ANKS6: variants seen among roughly 807,000 people sequenced by gnomAD.
ANKS6 encodes ankyrin repeat and sterile alpha motif domain containing 6, also known as ankyrin repeat and SAM domain-containing protein 6.
ANKS6 carries 47 observed loss-of-function variants against 77.9 expected under a neutral mutation model. The observed-to-expected ratio is 0.60, with a 90% CI of 0.48 to 0.77. ANKS6 has a LOEUF of 0.77. Ranked by LOEUF, ANKS6 falls within the 30% of genes least tolerant of loss-of-function variation. The probability of loss-of-function intolerance (pLI) is 0.00; values close to 1 mark genes in which losing one functional copy is unlikely to be tolerated. For missense variants in ANKS6, 1,150 were observed against 1,159.1 expected (o/e 0.99, Z 0.11); for synonymous variants, 488 against 501.7 (o/e 0.97, Z 0.37).
At position 98,778,135 on chromosome 9, in the gene ANKS6, C is replaced by T; in HGVS notation, c.1567+91G>A. ...TGTCCCATTCCAACATCATCTTACC[C>T]CTGACAGCAACCCAGGAGGTAGGAT... On this transcript the variant is annotated intron_variant, in intron 7 of 14. Coordinates refer to ENST00000353234, the MANE Select transcript of ANKS6 (RefSeq NM_173551.5). The T allele has an allele frequency of 4.1e-6, 6 of 1,445,808 alleles. No individual in the cohort carries two copies. In the East Asian group the frequency reaches 1.2e-4, roughly 28 times the overall value. 89.6% of individuals were successfully genotyped at this position (1,445,808 alleles called of 1,614,324 possible). A position where few individuals can be genotyped will look rare whatever the true frequency, so the allele number is the denominator to read the frequency against.
chr9:98,778,522 T>C (rs1834047836), intron 6 of ANKS6, 98 bp from the exon 7 acceptor site: 1 of 1,148,014 alleles, frequency 8.7e-7, no homozygotes, highest in Non-Finnish European at 1.3e-6. Context: ...CATTCACATG[T>C]GCCTGCCCTC....
At chr9:98,771,577 C>T (rs1221736998) in intron 9 of ANKS6, among the ~76,000 whole-genome samples, 3 of 152,232 alleles carry the variant, frequency 2.0e-5, no homozygotes, top group African/African-American at 7.2e-5. Flanking sequence ...CCTGACCTCA[C>T]TCCACCCTCT....
In ANKS6 at chr9:98,796,226, C is replaced by G; in HGVS notation, c.266G>C (p.Gly89Ala). 1 of 1,404,668 alleles carries G rather than the reference C, an allele frequency of 7.1e-7. No homozygotes were observed. The highest frequency in any genetic ancestry group is 9.3e-7 in the Non-Finnish European group (1 of 1,077,386). 87.0% of individuals were successfully genotyped at this position (1,404,668 alleles called of 1,614,324 possible). Residue 89 changes from glycine (G) to alanine (A), a missense_variant, in exon 1 of 15, where the codon GGC (glycine) becomes GCC (alanine). Coordinates refer to ENST00000353234, the MANE Select transcript of ANKS6 (RefSeq NM_173551.5). ...NTALQFAAAG[G>A]HEPLVRFLLR... ...CAGGAAGCGCACCAGCGGTTCGTGG[C>G]CCCCGGCCGCGGCGAACTGCAGTGC...
intron 13 of ANKS6, among the ~76,000 whole-genome samples, chr9:98,748,298 G>C (rs1361614905): frequency 6.6e-6 from 1 of 152,214 alleles, no homozygotes; most frequent in Non-Finnish European, 1.5e-5. Context: ...ATTCTAGGTG[G>C]AGAGCACCAG....
chr9:98,796,393 C>T lies in ANKS6; in HGVS notation c.99G>A (p.Ala33=), dbSNP rs1835178810. 1.0e-6 allele frequency: 1 copy of T among 1,001,762 alleles called. No homozygotes were observed. Among genetic ancestry groups the T allele is most frequent in the South Asian group, 4.5e-5 (1 of 22,344 alleles). 62.1% of individuals were successfully genotyped at this position (1,001,762 alleles called of 1,614,324 possible). The change falls in exon 1 of 15, where the codon GCG becomes GCA. Residue 33 remains alanine, a synonymous_variant. Coordinates refer to ENST00000353234, the MANE Select transcript of ANKS6 (RefSeq NM_173551.5). ...CCGCGCCGCGCTCGGCTGGCTCCGC[C>T]GCCCCCGGCTCCAGCAGCCGCCGCG... ...ETARRLLEPG[A]AEPAERGAEP... is the part of the protein sequence containing the mutation.
rs1458153822 is a variant in ANKS6, at chr9:98,791,616, CA to C, written c.360-1011del. 2.6e-5 allele frequency among the ~76,000 whole-genome samples: 4 copies of C among 152,160 alleles called. No homozygotes were observed. The highest frequency in any genetic ancestry group is 5.9e-5 in the Non-Finnish European group (4 of 68,028). ...CCCTGGACTAACAAGAAAACAATGA[CA>C]AGACAGGGGCTGTCTACTCCAGGTT... On this transcript the variant is annotated intron_variant, in intron 1 of 14. Transcript: ENST00000353234. This position sits in a 1 kb window ranked among gnomAD's most constrained non-coding sequence, Gnocchi z 4.3.
chr9:98,739,758 A>ATTTTT lies in ANKS6; in HGVS notation c.2512-3140_2512-3136dup, dbSNP rs749499336. Among the ~76,000 whole-genome samples, 8 of 88,866 alleles carry ATTTTT rather than the reference A, an allele frequency of 9.0e-5. 1 individual carries two copies. The highest frequency in any genetic ancestry group is 3.6e-4 in the African/African-American group (7 of 19,388). The allele number at this position is 88,866 out of a possible 152,430, so 58.3% of individuals were successfully genotyped here. On this transcript the variant is annotated intron_variant, in intron 14 of 14. Transcript: ENST00000353234. ...CTCAGAGGGCAGCAGTGGATTAAAC[A>ATTTTT]TTTTTTTTTTTTTTTTGAGACGGAG...
chr9:98,779,652 T>C (rs534723692), intron 6 of ANKS6, among the ~76,000 whole-genome samples: 1 of 152,108 alleles, frequency 6.6e-6, no homozygotes, highest in East Asian at 1.9e-4. Context: ...AACCACAGCC[T>C]ACCAGGCTCA....
Position 98,736,441 on chromosome 9 carries a change from G to A in ANKS6, c.*78C>T, listed in dbSNP as rs984693832. 14 of 1,493,424 alleles carry A rather than the reference G, an allele frequency of 9.4e-6. No homozygotes were observed. The African/African-American group carries it at 2.0e-4, about 21-fold the overall frequency. 92.5% of individuals were successfully genotyped at this position (1,493,424 alleles called of 1,614,324 possible). On this transcript the variant is annotated 3_prime_UTR_variant, in exon 15 of 15. Transcript: ENST00000353234. ...TGACTAAGGCACAGCAGTGTGACGG[G>A]GGCAGGGCTGGGGCTGTGGCCACGT...
chr9:98,789,946 T>C (rs138554869), intron 2 of ANKS6, 158 bp downstream of exon 2: 2 of 1,120,948 alleles, frequency 1.8e-6, no homozygotes, highest in Non-Finnish European at 2.4e-6. Flanking sequence ...TCACAGGCAA[T>C]CCCCCCGATA....
chr9:98,790,017 G>C (rs544663589), intron 2 of ANKS6, 87 bp downstream of exon 2: 4 of 1,481,718 alleles, frequency 2.7e-6, no homozygotes, highest in East Asian at 4.6e-5. Context: ...AGTTCTGCGT[G>C]TCCTTCCAGT....
At chr9:98,783,526 G>C (rs879248137) in intron 4 of ANKS6, 1 of 153,914 alleles carries the variant, frequency 6.5e-6, no homozygotes, top group Non-Finnish European at 1.4e-5. Flanking sequence ...AAAAGGAGAG[G>C]GGTAGGACAC....
chr9:98,761,259 G>A (rs1417031821), intron 11 of ANKS6, among the ~76,000 whole-genome samples: 3 of 151,866 alleles, frequency 2.0e-5, no homozygotes, highest in Non-Finnish European at 4.4e-5. Context: ...TCTTTATTTA[G>A]TCTGGAAAAA....
In ANKS6 at chr9:98,791,768, T is replaced by C. The variant is rs1263623869; in HGVS notation, c.360-1162A>G. ...TCTAAACCCAAGACCTCCCTCCTCC[T>C]GGCGGCTGGCGGCCAGGCCAGGGCT... On this transcript the variant is annotated intron_variant, in intron 1 of 14. Transcript: ENST00000353234. The surrounding 1 kb of genome is among the most constrained non-coding windows in gnomAD (Gnocchi z 4.3). 6.6e-6 allele frequency among the ~76,000 whole-genome samples: 1 copy of C among 152,118 alleles called. No homozygotes were observed. The highest frequency in any genetic ancestry group is 6.5e-5 in the Admixed American group (1 of 15,280).
intron 11 of ANKS6, among the ~76,000 whole-genome samples, chr9:98,763,359 T>C (rs1157558611): frequency 2.0e-5 from 3 of 151,734 alleles, no homozygotes; most frequent in Admixed American, 6.6e-5. Context: ...TAACAAATAA[T>C]TGAAAAATAA....
At chr9:98,760,412 GCCCTC>G (rs1832945710) in intron 11 of ANKS6, among the ~76,000 whole-genome samples, 1 of 1,300 alleles carries the variant, frequency 7.7e-4, no homozygotes, top group East Asian at 2.4e-3. Flanking sequence ...CTCTAATCCT[GCCCTC>G]TAATCCTGCC....
intron 10 of ANKS6, among the ~76,000 whole-genome samples, chr9:98,769,056 G>C (rs1040581167): frequency 2.5e-4 from 18 of 71,934 alleles, no homozygotes; most frequent in Admixed American, 1.8e-3. Context: ...GAACCCAGAA[G>C]GGGGAGGCTG....
intron 11 of ANKS6, among the ~76,000 whole-genome samples, chr9:98,761,585 A>G (rs1833012498): frequency 6.6e-6 from 1 of 152,174 alleles, no homozygotes; most frequent in African/African-American, 2.4e-5. Context: ...TCTTTTATGT[A>G]TCATGCTTTT....
At chr9:98,773,191 C>T (rs1405454355) in intron 9 of ANKS6, among the ~76,000 whole-genome samples, 1 of 152,216 alleles carries the variant, frequency 6.6e-6, no homozygotes, top group Non-Finnish European at 1.5e-5. Flanking sequence ...CAGGTGATCT[C>T]ATACTATCAT....
Sources: gnomAD v4.1 joint callset for allele counts (sites outside exome capture counted in the v4.1 genomes callset) on GRCh38, gnomAD v4.1.1 for gene constraint, Gnocchi (gnomAD v3.1) non-coding constraint, MANE v1.5 for transcripts, NCBI Gene and HGNC (gene_info 2026-07-23, HGNC 2026-07-21) for gene names.